Variants in CDS1 observed in about 807,000 individuals in gnomAD.
CDS1 encodes the protein phosphatidate cytidylyltransferase 1.
CDS1 carries 41 observed loss-of-function variants against 62.1 expected under a neutral mutation model. That is an observed-to-expected ratio of 0.66 (90% confidence interval 0.51 to 0.86). The LOEUF is 0.86. CDS1 is among the 40% of genes least tolerant of loss of function. The pLI, the probability that CDS1 is intolerant of heterozygous loss-of-function variation, is 0.00. For missense variants in CDS1, 470 were observed against 550.1 expected (o/e 0.85, Z 1.46); for synonymous variants, 185 against 192.6 (o/e 0.96, Z 0.32).
At chr4:84,606,465 C>T (rs1723098381) in intron 2 of CDS1, among the ~76,000 whole-genome samples, 1 of 152,080 alleles carries the variant, frequency 6.6e-6, no homozygotes, top group African/African-American at 2.4e-5. Flanking sequence ...ATTTCAGAAA[C>T]ATTTTTAATG....
At chr4:84,619,588 T>C (rs111333888) in intron 5 of CDS1, 55 bp downstream of exon 5, 43,109 of 1,069,294 alleles carry the variant, frequency 0.04, 1,038 homozygotes, top group African/African-American at 0.075. Context: ...TCCATGTTTA[T>C]TTTTATTTCT....
chr4:84,640,572 C>T (rs984814795), intron 9 of CDS1, among the ~76,000 whole-genome samples: 1 of 152,090 alleles, frequency 6.6e-6, no homozygotes, highest in African/African-American at 2.4e-5. Flanking sequence ...CTTTATTCTC[C>T]TGTACCGTAT....
chr4:84,593,724 G>A (rs758194001), intron 1 of CDS1, among the ~76,000 whole-genome samples: 5 of 152,006 alleles, frequency 3.3e-5, no homozygotes, highest in African/African-American at 1.2e-4. Context: ...AGCTGGTCTC[G>A]AACTCCTGAC....
At chr4:84,608,763 T>C (rs1263630518) in intron 2 of CDS1, among the ~76,000 whole-genome samples, 1 of 152,156 alleles carries the variant, frequency 6.6e-6, no homozygotes, top group Non-Finnish European at 1.5e-5. Flanking sequence ...TTGAGGGCTT[T>C]TGTACCTGGC....
intron 1 of CDS1, among the ~76,000 whole-genome samples, chr4:84,595,222 T>C (rs1223042631): frequency 1.3e-5 from 2 of 152,092 alleles, no homozygotes; most frequent in Non-Finnish European, 2.9e-5. Flanking sequence ...TGCTTACTCC[T>C]TAGGAAAGAA....
chr4:84,610,011 C>CA (rs112010784), intron 3 of CDS1, among the ~76,000 whole-genome samples: 18,748 of 135,222 alleles, frequency 0.14, 1,404 homozygotes, highest in East Asian at 0.23. Context: ...CAGACCATCT[C>CA]AAAAAAAAAA....
At chr4:84,622,844 TTA>T (rs1007644138) in intron 5 of CDS1, among the ~76,000 whole-genome samples, 1 of 152,198 alleles carries the variant, frequency 6.6e-6, no homozygotes, top group Non-Finnish European at 1.5e-5. Flanking sequence ...TTCAGTTTTT[TTA>T]TAGTAATAGT....
At chr4:84,629,997 A>G (rs1023123225) in intron 5 of CDS1, among the ~76,000 whole-genome samples, 5 of 152,100 alleles carry the variant, frequency 3.3e-5, no homozygotes, top group Admixed American at 6.6e-5. Flanking sequence ...GTCTGTTTGG[A>G]CAGAAAACAT....
chr4:84,626,909 CT>C (rs1417875973), intron 5 of CDS1, among the ~76,000 whole-genome samples: 3 of 152,168 alleles, frequency 2.0e-5, no homozygotes, highest in South Asian at 2.1e-4. Context: ...TTTGCTGAGT[CT>C]TGAGGCCTTA....
intron 3 of CDS1, among the ~76,000 whole-genome samples, chr4:84,613,726 A>G (rs1723402943): frequency 1.3e-5 from 2 of 152,222 alleles, no homozygotes; most frequent in South Asian, 4.1e-4. Flanking sequence ...TTCACAGCTT[A>G]GAATCATACT....
intron 3 of CDS1, among the ~76,000 whole-genome samples, chr4:84,615,073 G>T (rs1723445986): frequency 6.6e-6 from 1 of 152,020 alleles, no homozygotes; most frequent in Non-Finnish European, 1.5e-5. Flanking sequence ...TGCTTTTTCC[G>T]CTTGGCCCCT....
chr4:84,599,911 G>A (rs1485903314), intron 1 of CDS1, among the ~76,000 whole-genome samples: 2 of 152,162 alleles, frequency 1.3e-5, no homozygotes, highest in East Asian at 3.9e-4. Context: ...GAGTGAAATG[G>A]CTGGGTCAGT....
intron 2 of CDS1, 39 bp downstream of exon 2, chr4:84,604,409 G>T: frequency 6.3e-7 from 1 of 1,598,984 alleles, no homozygotes; most frequent in Non-Finnish European, 8.5e-7. Context: ...TAGTGCACAA[G>T]ATAGGCTTTG....
At chr4:84,616,141 G>A (rs1036327867) in intron 3 of CDS1, among the ~76,000 whole-genome samples, 1 of 152,062 alleles carries the variant, frequency 6.6e-6, no homozygotes, top group South Asian at 2.1e-4. Flanking sequence ...TTGCTTTACC[G>A]TTTTATCTTA....
intron 2 of CDS1, among the ~76,000 whole-genome samples, chr4:84,606,735 C>T (rs947259057): frequency 8.5e-5 from 13 of 152,088 alleles, no homozygotes; most frequent in African/African-American, 3.1e-4. Context: ...GACTGGAGTG[C>T]AGTGGTGCAG....
chr4:84,640,151 TATGTA>T (rs1289360549), intron 9 of CDS1, among the ~76,000 whole-genome samples: 1 of 147,740 alleles, frequency 6.8e-6, no homozygotes, highest in East Asian at 2.0e-4. Flanking sequence ...TATATAATAA[TATGTA>T]ATATATATAA....
chr4:84,623,258 G>A lies in CDS1; in HGVS notation c.580+3725G>A, dbSNP rs1164823159. ...CCCTCACTTTGCTGAAGCATGGCCT[G>A]CTGTAGTTTCTTATGAAATGATGTG... is the stretch of plus-strand genomic sequence containing the variant. On this transcript the variant is annotated intron_variant, in intron 5 of 12. Transcript: ENST00000295887. 4.6e-5 allele frequency among the ~76,000 whole-genome samples: 7 copies of A among 152,268 alleles called. No homozygotes were observed. The South Asian group carries it at 1.2e-3, about 27-fold the overall frequency.
intron 1 of CDS1, among the ~76,000 whole-genome samples, chr4:84,589,504 G>C (rs1018634224): frequency 6.6e-6 from 1 of 152,158 alleles, no homozygotes; most frequent in Non-Finnish European, 1.5e-5. Flanking sequence ...TTTAGATCTA[G>C]ATTTCTGGAC....
intron 5 of CDS1, among the ~76,000 whole-genome samples, chr4:84,621,520 G>A (rs1393757274): frequency 6.6e-6 from 1 of 152,154 alleles, no homozygotes. Context: ...TTTATGTAAT[G>A]AGGAGGAATA....
Sources: gnomAD v4.1 joint callset for allele counts (sites outside exome capture counted in the v4.1 genomes callset) on GRCh38, gnomAD v4.1.1 for gene constraint, MANE v1.5 for transcripts, NCBI Gene and HGNC (gene_info 2026-07-23, HGNC 2026-07-21) for gene names.